The following OLFM3 variants were observed in gnomAD, a reference collection of about 807,000 sequenced individuals.
OLFM3 encodes noelin-3.
A neutral mutation model predicts 48.6 loss-of-function variants in OLFM3; 20 were observed. The observed-to-expected ratio is 0.41, with a 90% CI of 0.29 to 0.60. The LOEUF is 0.60. Ranked by LOEUF, OLFM3 falls within the 20% of genes least tolerant of loss-of-function variation. OLFM3 has a pLI of 0.28. For missense variants in OLFM3, 437 were observed against 544.3 expected, an observed-to-expected ratio of 0.80 and a Z score of 1.96; for synonymous variants, 222 against 198.1, an observed-to-expected ratio of 1.12 and a Z score of -1.01.
At chr1:101,900,746 T>A (rs1003386472) in intron 1 of OLFM3, among the ~76,000 whole-genome samples, 6 of 151,986 alleles carry the variant, frequency 3.9e-5, no homozygotes, top group African/African-American at 1.4e-4. Flanking sequence ...ATGATTGAGA[T>A]GTAAAGGATA....
chr1:101,873,122 T>A (rs2211295), intron 1 of OLFM3, among the ~76,000 whole-genome samples: 1 of 151,750 alleles, frequency 6.6e-6, no homozygotes, highest in African/African-American at 2.4e-5. Context: ...TACCTTAATA[T>A]GAATAAACAT....
Position 101,825,035 on chromosome 1 carries a change from T to C in OLFM3, c.583A>G (p.Lys195Glu). Reference sequence around the variant, plus strand: ...AAATTGTCATACTCACTTAGCTTTTTCATGCAGTCACGAAGTCTTGTTTCC... The same window carrying C: ...AAATTGTCATACTCACTTAGCTTTTCCATGCAGTCACGAAGTCTTGTTTCC... ...SLETRLRDCM[K>E]KLTCGKLMKI... Residue 195 changes from lysine to glutamate, a missense_variant, in exon 4 of 6, where the codon AAA becomes GAA. Around this residue, in one of 3 missense-constraint regions of OLFM3, gnomAD observed 314 missense variants for 365.5 expected, o/e 0.86. Coordinates refer to ENST00000370103, the MANE Select transcript of OLFM3 (RefSeq NM_058170.4). The C allele has an allele frequency of 6.2e-7, 1 of 1,613,918 alleles. No individual in the cohort carries two copies. The highest frequency in any genetic ancestry group is 8.5e-7 in the Non-Finnish European group (1 of 1,179,812).
rs774808422 is a variant in OLFM3 at position 101,825,203 on chromosome 1, C to T, written c.415G>A (p.Val139Met). The T allele has an allele frequency of 3.7e-6, 6 of 1,613,974 alleles. No individual in the cohort carries two copies. Among genetic ancestry groups the T allele is most frequent in the Non-Finnish European group, 5.1e-6 (6 of 1,179,936 alleles). ...KMDELLPLIP[V>M]LEQYKTDAKL... ...GCATCTGTTTTGTACTGTTCCAGCACGGGGATCAAAGGCAGGAGCTCGTCC... is the reference window on the plus strand; with the variant it reads ...GCATCTGTTTTGTACTGTTCCAGCATGGGGATCAAAGGCAGGAGCTCGTCC... Residue 139 changes from valine to methionine, a missense_variant, in exon 4 of 6, where the codon GTG (valine) becomes ATG (methionine). Physicochemically the swap from Val to Met is conservative, Grantham distance 21. Coordinates refer to ENST00000370103, the MANE Select transcript of OLFM3 (RefSeq NM_058170.4).
intron 1 of OLFM3, among the ~76,000 whole-genome samples, chr1:101,936,089 C>T (rs1659607023): frequency 6.6e-6 from 1 of 152,088 alleles, no homozygotes; most frequent in South Asian, 2.1e-4. Flanking sequence ...TCTAACCACT[C>T]CTATACAGCA....
At chr1:101,853,715 C>T (rs1656308326) in intron 1 of OLFM3, among the ~76,000 whole-genome samples, 1 of 152,078 alleles carries the variant, frequency 6.6e-6, no homozygotes, top group African/African-American at 2.4e-5. Context: ...ACAGCTTATT[C>T]TTGCAAAACA....
At chr1:101,814,062 G>C (rs1428209186) in intron 4 of OLFM3, among the ~76,000 whole-genome samples, 1 of 152,066 alleles carries the variant, frequency 6.6e-6, no homozygotes, top group Admixed American at 6.6e-5. Flanking sequence ...AAAGTGCTTT[G>C]CATAAAGTTT....
intron 1 of OLFM3, among the ~76,000 whole-genome samples, chr1:101,970,971 G>A (rs1366976946): frequency 1.3e-5 from 2 of 152,188 alleles, no homozygotes; most frequent in Non-Finnish European, 2.9e-5. Context: ...GATGGCAGAT[G>A]AGCAATGTAC....
chr1:101,862,903 A>G (rs1273360341), intron 1 of OLFM3, among the ~76,000 whole-genome samples: 2 of 152,284 alleles, frequency 1.3e-5, no homozygotes, highest in African/African-American at 4.8e-5. Flanking sequence ...GATTTCACTC[A>G]GTGTTGTAAT....
chr1:101,876,268 A>G (rs1266361173), intron 1 of OLFM3, among the ~76,000 whole-genome samples: 3 of 151,984 alleles, frequency 2.0e-5, no homozygotes, highest in Non-Finnish European at 2.9e-5. Context: ...AGTGCAAACC[A>G]TACTAAAGGG....
intron 1 of OLFM3, among the ~76,000 whole-genome samples, chr1:101,912,450 G>A (rs1201209216): frequency 6.6e-6 from 1 of 152,158 alleles, no homozygotes; most frequent in Admixed American, 6.5e-5. Context: ...ACAACCCTAT[G>A]AGATAAATTC....
chr1:101,968,866 A>G (rs1660698498), intron 1 of OLFM3, among the ~76,000 whole-genome samples: 2 of 152,232 alleles, frequency 1.3e-5, no homozygotes, highest in South Asian at 4.1e-4. Flanking sequence ...TTTTTGATTC[A>G]TAGAATTTTA....
At chr1:101,835,662 T>C (rs1213241581) in intron 2 of OLFM3, among the ~76,000 whole-genome samples, 1 of 152,210 alleles carries the variant, frequency 6.6e-6, no homozygotes, top group African/African-American at 2.4e-5. Flanking sequence ...AAGTCATTAT[T>C]CTGAATGAAA....
intron 1 of OLFM3, among the ~76,000 whole-genome samples, chr1:101,984,461 C>T (rs181496807): frequency 6.6e-5 from 10 of 152,192 alleles, no homozygotes; most frequent in African/African-American, 1.9e-4. Context: ...GCAGAGGCGC[C>T]ATCTTGGCTC....
intron 1 of OLFM3, among the ~76,000 whole-genome samples, chr1:101,872,828 T>A (rs886348022): frequency 2.6e-5 from 4 of 151,936 alleles, no homozygotes; most frequent in African/African-American, 9.7e-5. Flanking sequence ...TTTGCTTCTG[T>A]AGAAACTCTA....
chr1:101,861,086 A>G (rs908073377), intron 1 of OLFM3, among the ~76,000 whole-genome samples: 4 of 151,748 alleles, frequency 2.6e-5, no homozygotes, highest in African/African-American at 9.7e-5. Flanking sequence ...TTTTGAGACA[A>G]ATTCTTGCTG....
intron 1 of OLFM3, among the ~76,000 whole-genome samples, chr1:101,903,550 C>T (rs1294740289): frequency 1.3e-5 from 2 of 151,934 alleles, no homozygotes; most frequent in Non-Finnish European, 2.9e-5. Context: ...GTTTGTAAGG[C>T]TTATAATATT....
rs998780498 is a variant in OLFM3, at chr1:101,837,078, A to C, written c.70-53T>G. 7.8e-6 allele frequency: 12 copies of C among 1,540,658 alleles called. No individual in the cohort carries two copies. The Admixed American group carries it at 1.2e-4, about 15-fold the overall frequency. On this transcript the variant is annotated intron_variant, in intron 1 of 5. Coordinates refer to ENST00000370103, the MANE Select transcript of OLFM3 (RefSeq NM_058170.4). ...CACAGACTCCTGTTATAGGATAAAA[A>C]GAGTGTTGGTTTGTAGCATTTCAAG...
chr1:101,987,858 T>TA (rs1028685648), intron 1 of OLFM3, among the ~76,000 whole-genome samples: 11 of 152,130 alleles, frequency 7.2e-5, no homozygotes, highest in African/African-American at 2.7e-4. Flanking sequence ...TAAGCAACTT[T>TA]ATTACTGACA....
intron 4 of OLFM3, 22 bp downstream of exon 4, chr1:101,825,004 C>T (rs754752749): frequency 6.3e-7 from 1 of 1,599,330 alleles, no homozygotes; most frequent in East Asian, 2.2e-5. Flanking sequence ...GTAACTTAGA[C>T]AAATTAAATT....
Sources: allele counts gnomAD v4.1 joint callset (sites outside exome capture counted in the v4.1 genomes callset), GRCh38; gene constraint gnomAD v4.1.1; regional missense constraint gnomAD v4.1.1; transcripts MANE v1.5; gene names NCBI Gene and HGNC (gene_info 2026-07-23, HGNC 2026-07-21).